SALL3: variants seen among roughly 807,000 people sequenced by gnomAD.
The protein encoded by SALL3 is sal-like protein 3.
A neutral mutation model predicts 66.2 loss-of-function variants in SALL3; 25 were observed. The observed-to-expected ratio is 0.38, with a 90% CI of 0.28 to 0.53. The LOEUF is 0.53. Ranked by LOEUF, SALL3 falls within the 20% of genes least tolerant of loss-of-function variation. SALL3 has a pLI of 0.85. For missense variants in SALL3, 2,194 were observed against 1,916.5 expected (o/e 1.14, Z -2.70); for synonymous variants, 1,152 against 899.1 (o/e 1.28, Z -5.03).
Position 78,980,017 on chromosome 18 carries a change from C to A in SALL3, c.-258C>A, listed in dbSNP as rs1010678172. Among the ~76,000 whole-genome samples, 2 of 145,586 alleles carry A rather than the reference C, an allele frequency of 1.4e-5. No homozygotes were observed. The highest frequency in any genetic ancestry group is 2.1e-4 in the South Asian group (1 of 4,764). ...CGAGGCGCCGCGGCCCCCTCCTCGTCGGCGCGGCCGCTAATTGCGAGCGCG... is the reference window on the plus strand; with the variant it reads ...CGAGGCGCCGCGGCCCCCTCCTCGTAGGCGCGGCCGCTAATTGCGAGCGCG... On this transcript the variant is annotated 5_prime_UTR_variant, in exon 1 of 3. Transcript: ENST00000537592.
rs1299741368 is a variant in SALL3 at position 78,992,569 on chromosome 18, C to T, written c.578C>T (p.Ala193Val). The stretch of plus-strand genomic sequence containing the variant: ...GCGCGCGCGGCAGGCGGCTCGGGAG[C>T]AGGTGGAGGCGTGGCAGCTGCAGCC... ...QGARAAGGSG[A>V]GGGVAAAAVP... is the part of the protein sequence containing the mutation. Residue 193 changes from alanine (A) to valine (V), a missense_variant, in exon 2 of 3, where the codon GCA becomes GTA. Coordinates refer to ENST00000537592, the MANE Select transcript of SALL3 (RefSeq NM_171999.4). 6.7e-7 allele frequency: 1 copy of T among 1,503,300 alleles called. No homozygotes were observed. Among genetic ancestry groups the T allele is most frequent in the South Asian group, 1.2e-5 (1 of 81,358 alleles). The allele number at this position is 1,503,300 out of a possible 1,614,324, so 93.1% of individuals were successfully genotyped here. A position where few individuals can be genotyped will look rare whatever the true frequency, so the allele number is the denominator to read the frequency against.
At chr18:78,990,894 T>C (rs1318502823) in intron 1 of SALL3, among the ~76,000 whole-genome samples, 1 of 152,196 alleles carries the variant, frequency 6.6e-6, no homozygotes, top group Non-Finnish European at 1.5e-5. Context: ...AACGTTGCTG[T>C]ATGTTGGTTT....
chr18:78,980,677 C>T (rs1345579830), intron 1 of SALL3, among the ~76,000 whole-genome samples: 1 of 151,532 alleles, frequency 6.6e-6, no homozygotes. Context: ...TCCACGGTGC[C>T]TCCGCCGCCG....
chr18:78,982,459 G>T (rs1394262320), intron 1 of SALL3, among the ~76,000 whole-genome samples: 1 of 152,168 alleles, frequency 6.6e-6, no homozygotes, highest in African/African-American at 2.4e-5. Context: ...TCACATGCTT[G>T]TTTGAGAGAG....
intron 2 of SALL3, among the ~76,000 whole-genome samples, chr18:78,996,335 C>T (rs779805216): frequency 6.6e-6 from 1 of 152,268 alleles, no homozygotes; most frequent in Non-Finnish European, 1.5e-5. Context: ...CCGGCAGCCT[C>T]TTCAGACAGC....
intron 1 of SALL3, among the ~76,000 whole-genome samples, chr18:78,989,554 A>G (rs1010093307): frequency 1.4e-4 from 21 of 152,238 alleles, no homozygotes; most frequent in Admixed American, 9.2e-4. Flanking sequence ...ATTTTTCTCA[A>G]TGAACTGTCC....
chr18:78,993,732 G>A lies in SALL3; in HGVS notation c.1741G>A (p.Ala581Thr), dbSNP rs1914564641. The A allele has an allele frequency of 2.6e-6, 4 of 1,552,496 alleles. No individual in the cohort carries two copies. Among genetic ancestry groups the A allele is most frequent in the African/African-American group, 2.7e-5 (2 of 73,636 alleles). Residue 581 changes from alanine to threonine, a missense_variant, in exon 2 of 3, where the codon GCC becomes ACC. Ala to Thr is a moderately conservative substitution (Grantham distance 58). Coordinates refer to ENST00000537592, the MANE Select transcript of SALL3 (RefSeq NM_171999.4). ...CGTGGAGTCCGGCGTGTCGGCCACC[G>A]CCGAGTCCCCACAGTCGCTCCTCGG... ...NHVESGVSAT[A>T]ESPQSLLGGP...
rs373055868 is a variant in SALL3 at position 78,993,935 on chromosome 18, G to T, written c.1944G>T (p.Pro648=). The T allele has an allele frequency of 4.0e-5, 65 of 1,608,230 alleles. No individual in the cohort carries two copies. The highest frequency in any genetic ancestry group is 5.3e-5 in the Non-Finnish European group (62 of 1,177,934). ...AVSEQFKAQF[P]FGGLLDSMQT... The stretch of plus-strand genomic sequence containing the variant: ...CCGAGCAGTTCAAGGCCCAGTTTCC[G>T]TTCGGGGGGCTGCTAGACTCGATGC... The change falls in exon 2 of 3, where the codon CCG becomes CCT. Residue 648 remains proline (P), a synonymous_variant. Transcript: ENST00000537592.
intron 1 of SALL3, among the ~76,000 whole-genome samples, chr18:78,990,320 G>A (rs969418584): frequency 2.6e-5 from 4 of 152,160 alleles, no homozygotes; most frequent in African/African-American, 9.7e-5. Flanking sequence ...AGTCTAGCAG[G>A]CTTTATGGGC....
intron 1 of SALL3, among the ~76,000 whole-genome samples, chr18:78,991,410 C>T (rs1555706503): frequency 1.3e-5 from 2 of 149,278 alleles, no homozygotes; most frequent in Non-Finnish European, 3.0e-5. Flanking sequence ...CTCTGTCGCT[C>T]TGAGTTGGCG....
At chr18:78,991,670 T>G in intron 1 of SALL3, 2 of 183,036 alleles carry the variant, frequency 1.1e-5, no homozygotes. Flanking sequence ...AGGTTACAGA[T>G]TAGTTTAGCA....
At chr18:78,981,328 G>A (rs1363456814) in intron 1 of SALL3, among the ~76,000 whole-genome samples, 1 of 152,220 alleles carries the variant, frequency 6.6e-6, no homozygotes, top group Non-Finnish European at 1.5e-5. Context: ...CCGAGGAGGG[G>A]CGACCCCACG....
In SALL3 at chr18:78,992,731, C is replaced by A; in HGVS notation, c.740C>A (p.Ala247Asp). 2 of 1,367,712 alleles carry A rather than the reference C, an allele frequency of 1.5e-6. No individual in the cohort carries two copies. The highest frequency in any genetic ancestry group is 1.9e-6 in the Non-Finnish European group (2 of 1,058,254). The allele number at this position is 1,367,712 out of a possible 1,614,324, so 84.7% of individuals were successfully genotyped here. A position where few individuals can be genotyped will look rare whatever the true frequency, so the allele number is the denominator to read the frequency against. The change falls in exon 2 of 3, where the codon GCC becomes GAC. Residue 247 changes from alanine (A) to aspartate (D), a missense_variant. By Grantham distance (126) the Ala-to-Asp change is moderately radical (BLOSUM62 -2). Transcript: ENST00000537592. ...PPRPSLSPAAAPSAPGPAPSQ... is the reference protein window; with the variant it reads ...PPRPSLSPAADPSAPGPAPSQ... ...CGGCCCTCACTCAGCCCCGCGGCCGCCCCGAGCGCACCGGGCCCGGCCCCC... is the reference window on the plus strand; with the variant it reads ...CGGCCCTCACTCAGCCCCGCGGCCGACCCGAGCGCACCGGGCCCGGCCCCC...
intron 1 of SALL3, among the ~76,000 whole-genome samples, chr18:78,980,623 C>T (rs1418695474): frequency 1.3e-5 from 2 of 151,794 alleles, no homozygotes; most frequent in Non-Finnish European, 2.9e-5. Flanking sequence ...GCGCCGAGGC[C>T]GCGGCCGGCT....
In SALL3 at chr18:78,992,129, G is replaced by A. The variant is rs780511868; in HGVS notation, c.138G>A (p.Gly46=). ...DADSGPESRS[G]GEETSVCEKC... ...ACAGCGGGCCCGAGAGCCGCAGCGG[G>A]GGCGAGGAGACCAGCGTGTGCGAGA... is the stretch of plus-strand genomic sequence containing the variant. Residue 46 remains glycine (G), a synonymous_variant, in exon 2 of 3, where the codon GGG becomes GGA. Coordinates refer to ENST00000537592, the MANE Select transcript of SALL3 (RefSeq NM_171999.4). 1 of 1,602,096 alleles carries A rather than the reference G, an allele frequency of 6.2e-7. No homozygotes were observed. Among genetic ancestry groups the A allele is most frequent in the South Asian group, 1.1e-5 (1 of 89,156 alleles).
rs780234177 is a variant in SALL3, at chr18:78,994,352, CAAG to C, written c.2364_2366del (p.Lys788del). Reference sequence around the variant, plus strand: ...TGGACTCCGAGCTGGCCTACGACGACAAGAACGCGGAGACCCTGAGCAGCTACG... The same window carrying C: ...TGGACTCCGAGCTGGCCTACGACGACAACGCGGAGACCCTGAGCAGCTACG... On this transcript the variant is annotated inframe_deletion, in exon 2 of 3. Transcript: ENST00000537592. 1 of 1,613,564 alleles carries C rather than the reference CAAG, an allele frequency of 6.2e-7. No individual in the cohort carries two copies. The highest frequency in any genetic ancestry group is 8.5e-7 in the Non-Finnish European group (1 of 1,180,014).
Position 78,994,938 on chromosome 18 carries a change from G to T in SALL3, c.2947G>T (p.Gly983Cys). The T allele has an allele frequency of 1.2e-6, 2 of 1,613,684 alleles. No individual in the cohort carries two copies. The highest frequency in any genetic ancestry group is 1.7e-6 in the Non-Finnish European group (2 of 1,180,014). ...KCPSTVCGVCGKPFACKSALE... is the reference protein window; with the variant it reads ...KCPSTVCGVCCKPFACKSALE... ...TCCCAGCACTGTGTGTGGTGTCTGT[G>T]GCAAGCCTTTTGCTTGCAAGAGCGC... Residue 983 changes from glycine (G) to cysteine (C), a missense_variant, in exon 2 of 3, where the codon GGC becomes TGC. Physicochemically the swap from Gly to Cys is radical, Grantham distance 159. Transcript: ENST00000537592.
At chr18:78,991,138 A>G (rs952627430) in intron 1 of SALL3, among the ~76,000 whole-genome samples, 4 of 152,240 alleles carry the variant, frequency 2.6e-5, no homozygotes, top group Non-Finnish European at 5.9e-5. Flanking sequence ...TGACTACAAC[A>G]TTCTCATGTT....
At position 78,994,061 on chromosome 18, in the gene SALL3, C is replaced by T. The variant is rs1253139633; in HGVS notation, c.2070C>T (p.Cys690=). The change falls in exon 2 of 3, where the codon TGC becomes TGT. Residue 690 remains cysteine (C), a synonymous_variant. Transcript: ENST00000537592. ...QCVICHRVLS[C]QSALKMHYRT... ...TCATCTGCCACCGGGTGCTGAGCTG[C>T]CAGAGCGCGCTGAAGATGCACTACC... 3.1e-6 allele frequency: 5 copies of T among 1,612,870 alleles called. No homozygotes were observed. The highest frequency in any genetic ancestry group is 2.2e-5 in the South Asian group (2 of 91,078).
Sources: gnomAD v4.1 joint callset for allele counts (sites outside exome capture counted in the v4.1 genomes callset) on GRCh38, gnomAD v4.1.1 for gene constraint, MANE v1.5 for transcripts, NCBI Gene and HGNC (gene_info 2026-07-23, HGNC 2026-07-21) for gene names.